Variants in FAR2 observed in about 807,000 individuals in gnomAD.
FAR2 encodes the protein fatty acyl-CoA reductase 2, also known as epididymis secretory protein Li 81.
In FAR2, 19 loss-of-function variants were observed where a neutral mutation model predicts 56.0. That is an observed-to-expected ratio of 0.34 (90% CI 0.24 to 0.50). The LOEUF (loss-of-function observed/expected upper bound fraction) is 0.50. FAR2 is among the 20% of genes least tolerant of loss of function. The pLI, the probability that FAR2 is intolerant of heterozygous loss-of-function variation, is 0.98. For missense variants in FAR2, 508 were observed against 642.2 expected (o/e 0.79, Z 2.26); for synonymous variants, 219 against 218.8 (o/e 1.00, Z -0.01).
intron 1 of FAR2, among the ~76,000 whole-genome samples, chr12:29,207,970 G>A (rs368739537): frequency 2.0e-5 from 3 of 152,232 alleles, no homozygotes; most frequent in East Asian, 3.9e-4. Flanking sequence ...GGGAGGCCAG[G>A]ACAGGAGGAT....
intron 10 of FAR2, among the ~76,000 whole-genome samples, chr12:29,322,259 C>T (rs1949564471): frequency 6.6e-6 from 1 of 152,170 alleles, no homozygotes; most frequent in African/African-American, 2.4e-5. Flanking sequence ...GTGTTCTTCC[C>T]TTATCTGCCA....
chr12:29,155,216 TC>T (rs1591820952), intron 1 of FAR2, among the ~76,000 whole-genome samples: 1 of 152,328 alleles, frequency 6.6e-6, no homozygotes, highest in East Asian at 1.9e-4. Context: ...TGGGGAAGAC[TC>T]CCCAGGGCCT....
chr12:29,309,577 T>C (rs1949311895), intron 6 of FAR2, among the ~76,000 whole-genome samples: 1 of 152,190 alleles, frequency 6.6e-6, no homozygotes. Flanking sequence ...GAATTGAGGA[T>C]GCAGTAAAAA....
At chr12:29,162,573 A>G (rs1949791035) in intron 1 of FAR2, among the ~76,000 whole-genome samples, 1 of 152,236 alleles carries the variant, frequency 6.6e-6, no homozygotes. Context: ...CCCCTTGGAA[A>G]TAGATCACTC....
chr12:29,268,081 C>G (rs552646963), intron 1 of FAR2, among the ~76,000 whole-genome samples: 1 of 152,178 alleles, frequency 6.6e-6, no homozygotes, highest in South Asian at 2.1e-4. Flanking sequence ...GACTCAAGAT[C>G]TTCAAATATA....
At chr12:29,320,947 G>C (rs1372909637) in intron 9 of FAR2, among the ~76,000 whole-genome samples, 1 of 152,108 alleles carries the variant, frequency 6.6e-6, no homozygotes, top group East Asian at 1.9e-4. Flanking sequence ...ATTTGACTTT[G>C]ACACTTTTTA....
intron 1 of FAR2, among the ~76,000 whole-genome samples, chr12:29,238,595 A>T (rs1221865325): frequency 6.6e-6 from 1 of 152,140 alleles, no homozygotes; most frequent in Non-Finnish European, 1.5e-5. Flanking sequence ...ATGTTTGGAA[A>T]CAGCTAGTTT....
chr12:29,267,155 A>C (rs1393285349), intron 1 of FAR2, among the ~76,000 whole-genome samples: 1 of 152,172 alleles, frequency 6.6e-6, no homozygotes. Flanking sequence ...GTTATGATTT[A>C]TTGAGTGTTA....
At chr12:29,151,736 G>A (rs1221596678) in intron 1 of FAR2, 1 of 152,168 alleles carries the variant, frequency 6.6e-6, no homozygotes. Flanking sequence ...TCACTTAGGT[G>A]CTCTTGGACA....
intron 4 of FAR2, among the ~76,000 whole-genome samples, chr12:29,302,474 AC>A (rs1354187559): frequency 2.0e-5 from 3 of 152,012 alleles, no homozygotes; most frequent in African/African-American, 7.2e-5. Flanking sequence ...GAGCTGGGAA[AC>A]CCAGGCGTGT....
chr12:29,293,687 T>C (rs1490257912), intron 3 of FAR2: 3 of 383,284 alleles, frequency 7.8e-6, no homozygotes, highest in African/African-American at 2.1e-5. Flanking sequence ...ATTACATAGG[T>C]GTATGTTCAA....
At position 29,274,766 on chromosome 12, in the gene FAR2, C is replaced by T. The variant is rs563825787; in HGVS notation, c.189+4128C>T. On this transcript the variant is annotated intron_variant, in intron 2 of 11. Coordinates refer to ENST00000536681, the MANE Select transcript of FAR2 (RefSeq NM_001271783.2). The stretch of plus-strand genomic sequence containing the variant: ...TCCGCCACTGAGTACCTTGTGACCC[C>T]CACTCCTGCCCGCCAGAGAACAATC... Among the ~76,000 whole-genome samples the T allele has an allele frequency of 4.0e-5, 6 of 151,732 alleles. No individual in the cohort carries two copies. The South Asian group carries it at 1.3e-3, about 32-fold the overall frequency.
chr12:29,329,951 A>G (rs951359931), intron 10 of FAR2, among the ~76,000 whole-genome samples: 10 of 152,122 alleles, frequency 6.6e-5, no homozygotes, highest in African/African-American at 2.4e-4. Context: ...TTTGTTCTTG[A>G]GCTTTCTGGT....
At position 29,333,057 on chromosome 12, in the gene FAR2, G is replaced by C. The variant is rs1208839900; in HGVS notation, c.1385+330G>C. ...CTTCTACCACACTCTGTCATAATGGGATATAAATACCCAACAGGCAGGAGA... is the reference window on the plus strand; with the variant it reads ...CTTCTACCACACTCTGTCATAATGGCATATAAATACCCAACAGGCAGGAGA... On this transcript the variant is annotated intron_variant, in intron 11 of 11. Transcript: ENST00000536681. 1.1e-5 allele frequency: 4 copies of C among 368,352 alleles called. No homozygotes were observed. In the East Asian group the frequency reaches 2.8e-4, roughly 25 times the overall value. 22.8% of individuals were successfully genotyped at this position (368,352 alleles called of 1,614,324 possible).
rs1219128148 is a variant in FAR2 at position 29,332,167 on chromosome 12, T to C, written c.1258-433T>C. ...AATCTGCATAATGAAATGGTAATGC[T>C]GTAGGAAAGGATGGTAGAACAAAGG... On this transcript the variant is annotated intron_variant, in intron 10 of 11. Coordinates refer to ENST00000536681, the MANE Select transcript of FAR2 (RefSeq NM_001271783.2). 3.9e-5 allele frequency among the ~76,000 whole-genome samples: 6 copies of C among 152,290 alleles called. 1 individual carries two copies. Among genetic ancestry groups the C allele is most frequent in the African/African-American group, 2.4e-5 (1 of 41,558 alleles).
chr12:29,258,966 A>T lies in FAR2; in HGVS notation c.-38-11446A>T, dbSNP rs978876949. 3.9e-5 allele frequency among the ~76,000 whole-genome samples: 6 copies of T among 152,340 alleles called. No individual in the cohort carries two copies. The South Asian group carries it at 1.2e-3, about 32-fold the overall frequency. ...ACTTTGAATATTATCAAGATTTTCCATACGTGTAATTTGCTTGGGTCTATG... is the reference window on the plus strand; with the variant it reads ...ACTTTGAATATTATCAAGATTTTCCTTACGTGTAATTTGCTTGGGTCTATG... On this transcript the variant is annotated intron_variant, in intron 1 of 11. Transcript: ENST00000536681.
At chr12:29,174,423 C>CTTTTTTTTTTTT (rs55827253) in intron 1 of FAR2, among the ~76,000 whole-genome samples, 1 of 55,434 alleles carries the variant, frequency 1.8e-5, no homozygotes, top group African/African-American at 8.2e-5. Flanking sequence ...GGTTTTTATT[C>CTTTTTTTTTTTT]TTTTTTTTTT....
At chr12:29,264,750 A>T (rs999320616) in intron 1 of FAR2, among the ~76,000 whole-genome samples, 1 of 152,076 alleles carries the variant, frequency 6.6e-6, no homozygotes, top group Admixed American at 6.6e-5. Context: ...CCTTGTTTGC[A>T]TATGATATGA....
At chr12:29,314,667 A>G (rs1949416464) in intron 8 of FAR2, among the ~76,000 whole-genome samples, 1 of 151,972 alleles carries the variant, frequency 6.6e-6, no homozygotes, top group Admixed American at 6.6e-5. Flanking sequence ...CTTCCTCCAG[A>G]GCAGAATACT....
Sources: gnomAD v4.1 joint callset for allele counts (sites outside exome capture counted in the v4.1 genomes callset) on GRCh38, gnomAD v4.1.1 for gene constraint, MANE v1.5 for transcripts, NCBI Gene and HGNC (gene_info 2026-07-23, HGNC 2026-07-21) for gene names.